The following ADAMTS3 variants were observed in gnomAD, a reference collection of about 807,000 sequenced individuals.
ADAMTS3 encodes the protein A disintegrin and metalloproteinase with thrombospondin motifs 3.
A neutral mutation model predicts 129.0 loss-of-function variants in ADAMTS3; 73 were observed. That is an observed-to-expected ratio of 0.57 (90% confidence interval 0.47 to 0.69). The LOEUF (loss-of-function observed/expected upper bound fraction) is 0.69, where lower values mean the gene tolerates loss of function less well. Among genes scored for constraint, ADAMTS3 ranks in the 30% least tolerant of loss-of-function variants. ADAMTS3 has a pLI of 0.00. For missense variants in ADAMTS3, 1,457 were observed against 1,514.5 expected, an observed-to-expected ratio of 0.96 and a Z score of 0.63; for synonymous variants, 477 against 510.8, an observed-to-expected ratio of 0.93 and a Z score of 0.89.
At position 72,339,710 on chromosome 4, in the gene ADAMTS3, G is replaced by A. The variant is rs187441160; in HGVS notation, c.662-17C>T. The A allele has an allele frequency of 2.0e-4, 324 of 1,608,894 alleles. No individual in the cohort carries two copies. Among genetic ancestry groups the A allele is most frequent in the Non-Finnish European group, 2.4e-4 (288 of 1,176,440 alleles). ...GGTCCGACTCTAATAAGAGACAAAA[G>A]GAACCAGGAATTTCAGTTTCCCTAA... On this transcript the variant is annotated splice_polypyrimidine_tract_variant and intron_variant, in intron 4 of 21. Coordinates refer to ENST00000286657, the MANE Select transcript of ADAMTS3 (RefSeq NM_014243.3).
At chr4:72,513,332 T>C (rs1288540916) in intron 3 of ADAMTS3, among the ~76,000 whole-genome samples, 1 of 152,214 alleles carries the variant, frequency 6.6e-6, no homozygotes, top group Non-Finnish European at 1.5e-5. Context: ...TGGCATATCT[T>C]AGGAATTCCA....
chr4:72,442,472 C>G (rs1273594319), intron 3 of ADAMTS3, among the ~76,000 whole-genome samples: 2 of 151,490 alleles, frequency 1.3e-5, no homozygotes, highest in Non-Finnish European at 3.0e-5. Flanking sequence ...AGGAAAAAAG[C>G]AAGAAAAAGC....
At chr4:72,413,982 T>C (rs543423343) in intron 4 of ADAMTS3, among the ~76,000 whole-genome samples, 1 of 152,032 alleles carries the variant, frequency 6.6e-6, no homozygotes, top group African/African-American at 2.4e-5. Context: ...AATGACTAGG[T>C]AGCAAGTCTC....
intron 3 of ADAMTS3, among the ~76,000 whole-genome samples, chr4:72,493,821 C>T (rs546153883): frequency 6.6e-6 from 1 of 151,960 alleles, no homozygotes; most frequent in East Asian, 1.9e-4. Flanking sequence ...ACTATTTCTC[C>T]CTCATTTTTA....
intron 4 of ADAMTS3, among the ~76,000 whole-genome samples, chr4:72,408,351 C>G (rs1306758733): frequency 6.6e-6 from 1 of 151,874 alleles, no homozygotes; most frequent in Non-Finnish European, 1.5e-5. Flanking sequence ...GAATCCTCCA[C>G]AGAGACATAG....
intron 10 of ADAMTS3, among the ~76,000 whole-genome samples, chr4:72,317,080 C>A (rs971169904): frequency 6.6e-6 from 1 of 152,138 alleles, no homozygotes; most frequent in Non-Finnish European, 1.5e-5. Context: ...TAAATGTAAA[C>A]ATCTTACCAA....
At chr4:72,411,652 T>C (rs935818103) in intron 4 of ADAMTS3, among the ~76,000 whole-genome samples, 1 of 152,072 alleles carries the variant, frequency 6.6e-6, no homozygotes, top group Non-Finnish European at 1.5e-5. Context: ...AATATGAAAA[T>C]ACACCATTTT....
chr4:72,351,879 G>A (rs1330840823), intron 4 of ADAMTS3, among the ~76,000 whole-genome samples: 1 of 151,876 alleles, frequency 6.6e-6, no homozygotes, highest in Non-Finnish European at 1.5e-5. Flanking sequence ...GAAAATTGGG[G>A]TGAACTTCAG....
chr4:72,507,610 C>T (rs1720196922), intron 3 of ADAMTS3, among the ~76,000 whole-genome samples: 1 of 152,076 alleles, frequency 6.6e-6, no homozygotes, highest in South Asian at 2.1e-4. Context: ...TGCCAGCAAC[C>T]AAAAAACTCC....
chr4:72,344,630 T>C (rs549970839), intron 4 of ADAMTS3, among the ~76,000 whole-genome samples: 1 of 152,278 alleles, frequency 6.6e-6, no homozygotes, highest in Admixed American at 6.5e-5. Context: ...ATTGCTTATA[T>C]CTTGATGGCT....
chr4:72,507,784 C>T (rs1309963905), intron 3 of ADAMTS3, among the ~76,000 whole-genome samples: 1 of 152,120 alleles, frequency 6.6e-6, no homozygotes, highest in African/African-American at 2.4e-5. Context: ...TGTGTTTATC[C>T]TGTTAGCCTA....
intron 3 of ADAMTS3, among the ~76,000 whole-genome samples, chr4:72,501,617 C>A (rs530980750): frequency 6.6e-6 from 1 of 151,926 alleles, no homozygotes; most frequent in Non-Finnish European, 1.5e-5. Context: ...CTTTCTCTTG[C>A]CTGATTTATC....
At chr4:72,361,776 T>C (rs1720734335) in intron 4 of ADAMTS3, among the ~76,000 whole-genome samples, 1 of 152,106 alleles carries the variant, frequency 6.6e-6, no homozygotes, top group East Asian at 1.9e-4. Flanking sequence ...GTTGGTCCTG[T>C]ATGTCTCTAA....
chr4:72,382,249 TA>T (rs2109880667), intron 4 of ADAMTS3, among the ~76,000 whole-genome samples: 1 of 151,036 alleles, frequency 6.6e-6, no homozygotes, highest in East Asian at 1.9e-4. Context: ...AAATTATATC[TA>T]ATGACTACAT....
chr4:72,362,494 T>C (rs1412815424), intron 4 of ADAMTS3, among the ~76,000 whole-genome samples: 1 of 152,190 alleles, frequency 6.6e-6, no homozygotes, highest in East Asian at 1.9e-4. Flanking sequence ...AATGTCAAAG[T>C]AGCCCTTATT....
At chr4:72,489,136 G>T (rs1719667831) in intron 3 of ADAMTS3, among the ~76,000 whole-genome samples, 1 of 151,866 alleles carries the variant, frequency 6.6e-6, no homozygotes, top group African/African-American at 2.4e-5. Flanking sequence ...CTGAATAAAG[G>T]TTTAGAAAGG....
intron 3 of ADAMTS3, among the ~76,000 whole-genome samples, chr4:72,468,796 A>G (rs1718988342): frequency 6.6e-6 from 1 of 152,024 alleles, no homozygotes; most frequent in Non-Finnish European, 1.5e-5. Context: ...GTAAGTTTTG[A>G]CTTGGTTCAC....
chr4:72,406,396 C>T (rs1172287426), intron 4 of ADAMTS3, among the ~76,000 whole-genome samples: 3 of 152,040 alleles, frequency 2.0e-5, no homozygotes, highest in Admixed American at 6.6e-5. Flanking sequence ...CTACTTTTTC[C>T]TGTTTTTTTC....
intron 4 of ADAMTS3, among the ~76,000 whole-genome samples, chr4:72,387,754 C>A (rs1490706707): frequency 6.6e-6 from 1 of 152,086 alleles, no homozygotes; most frequent in Admixed American, 6.5e-5. Flanking sequence ...CCTAAGGCAA[C>A]ATAAGTGGTG....
Sources: allele counts gnomAD v4.1 joint callset (sites outside exome capture counted in the v4.1 genomes callset), GRCh38; gene constraint gnomAD v4.1.1; transcripts MANE v1.5; gene names NCBI Gene and HGNC (gene_info 2026-07-23, HGNC 2026-07-21).